PDLIM5: variants seen among roughly 807,000 people sequenced by gnomAD.
The protein encoded by PDLIM5 is PDZ and LIM domain 5.
In PDLIM5, 34 loss-of-function variants were observed where a neutral mutation model predicts 64.2. The ratio of observed to expected loss-of-function variants is 0.53; its 90% CI spans 0.40 to 0.71. The LOEUF (loss-of-function observed/expected upper bound fraction) is 0.71, where lower values mean the gene tolerates loss of function less well. PDLIM5 is among the 30% of genes least tolerant of loss of function. PDLIM5 has a pLI of 0.00. For synonymous variants in PDLIM5, 253 were observed against 269.1 expected (o/e 0.94, Z 0.59); for missense variants, 683 against 733.6 (o/e 0.93, Z 0.80).
chr4:94,583,745 G>T (rs1735932927), intron 5 of PDLIM5, among the ~76,000 whole-genome samples: 1 of 152,010 alleles, frequency 6.6e-6, no homozygotes, highest in Non-Finnish European at 1.5e-5. Context: ...TTACTGATTT[G>T]TTATTTTGTA....
chr4:94,653,838 G>A (rs1264735592), intron 9 of PDLIM5, among the ~76,000 whole-genome samples: 1 of 151,986 alleles, frequency 6.6e-6, no homozygotes, highest in African/African-American at 2.4e-5. Flanking sequence ...AAACCTTTCT[G>A]AGTAGTTTCA....
intron 3 of PDLIM5, among the ~76,000 whole-genome samples, chr4:94,570,280 T>G (rs1734696533): frequency 6.6e-6 from 1 of 152,192 alleles, no homozygotes; most frequent in Non-Finnish European, 1.5e-5. Context: ...TTTGTCTTTT[T>G]TCCTTCTTTC....
intron 2 of PDLIM5, among the ~76,000 whole-genome samples, chr4:94,480,679 T>C (rs1725770663): frequency 6.6e-6 from 1 of 152,170 alleles, no homozygotes; most frequent in Admixed American, 6.5e-5. Flanking sequence ...CCCCTCCTTC[T>C]ACCCTTCAGA....
chr4:94,549,417 C>T (rs928104684), intron 3 of PDLIM5, among the ~76,000 whole-genome samples: 2 of 152,092 alleles, frequency 1.3e-5, no homozygotes, highest in Non-Finnish European at 2.9e-5. Flanking sequence ...TACCCTCTGA[C>T]CTATCAATTC....
intron 7 of PDLIM5, chr4:94,611,284 C>A: frequency 2.5e-6 from 3 of 1,177,954 alleles, no homozygotes; most frequent in Non-Finnish European, 3.6e-6. Flanking sequence ...TATTAACAGG[C>A]CAGGTGAGAA....
In PDLIM5 at chr4:94,665,746, T is replaced by G; in HGVS notation, c.*1679T>G. ...GATTGGTTTGAGGATGTGATGAAATTGAGACTTTTTGTGGTTTTCTCTCAA... is the reference window on the plus strand; with the variant it reads ...GATTGGTTTGAGGATGTGATGAAATGGAGACTTTTTGTGGTTTTCTCTCAA... On this transcript the variant is annotated 3_prime_UTR_variant, in exon 13 of 13. Coordinates refer to ENST00000317968, the MANE Select transcript of PDLIM5 (RefSeq NM_006457.5). 8.1e-7 allele frequency: 1 copy of G among 1,228,572 alleles called. No individual in the cohort carries two copies. The highest frequency in any genetic ancestry group is 1.0e-6 in the Non-Finnish European group (1 of 984,526). 76.1% of individuals were successfully genotyped at this position (1,228,572 alleles called of 1,614,324 possible).
intron 9 of PDLIM5, among the ~76,000 whole-genome samples, chr4:94,652,245 A>G (rs1346949800): frequency 6.6e-6 from 1 of 152,212 alleles, no homozygotes; most frequent in Non-Finnish European, 1.5e-5. Flanking sequence ...TAGCCTCAAG[A>G]GTCCTCCAGC....
intron 3 of PDLIM5, among the ~76,000 whole-genome samples, chr4:94,554,487 C>CAT (rs763565297): frequency 2.6e-5 from 4 of 151,680 alleles, no homozygotes; most frequent in African/African-American, 4.8e-5. Flanking sequence ...TACGTTCATA[C>CAT]ATATATATAA....
chr4:94,468,467 T>G (rs72874800), intron 2 of PDLIM5, among the ~76,000 whole-genome samples: 1 of 152,178 alleles, frequency 6.6e-6, no homozygotes, highest in Non-Finnish European at 1.5e-5. Context: ...ATTTTTACAA[T>G]TTCTATGTCT....
chr4:94,571,931 G>A (rs938179408), intron 3 of PDLIM5, among the ~76,000 whole-genome samples: 2 of 152,188 alleles, frequency 1.3e-5, no homozygotes, highest in Non-Finnish European at 2.9e-5. Flanking sequence ...AGTGTAATCT[G>A]TATTGCAGTA....
Position 94,485,293 on chromosome 4 carries a change from C to T in PDLIM5, c.96+29909C>T, listed in dbSNP as rs7654062. Among the ~76,000 whole-genome samples the T allele has an allele frequency of 8.7e-3, 1,312 of 150,732 alleles. 28 individuals are homozygous for T. Among genetic ancestry groups the T allele is most frequent in the African/African-American group, 0.031 (1,241 of 40,052 alleles). On this transcript the variant is annotated intron_variant, in intron 2 of 12. Transcript: ENST00000317968. ...CCTGTTCACCAATCCCTTCTAGTTT[C>T]CAAGTTCATTTCTCTTAACACTTTC...
chr4:94,508,988 CCTTT>C (rs1190034501), intron 2 of PDLIM5, among the ~76,000 whole-genome samples: 1 of 152,130 alleles, frequency 6.6e-6, no homozygotes, highest in Non-Finnish European at 1.5e-5. Flanking sequence ...ATACTTCTTT[CCTTT>C]TTTTGTTTCT....
intron 2 of PDLIM5, chr4:94,455,971 T>A: frequency 6.7e-7 from 1 of 1,487,308 alleles, no homozygotes; most frequent in Non-Finnish European, 8.9e-7. Context: ...TTTGAATGTA[T>A]TCTGTGTATA....
intron 2 of PDLIM5, among the ~76,000 whole-genome samples, chr4:94,496,731 A>T (rs971376090): frequency 2.0e-5 from 3 of 152,138 alleles, no homozygotes; most frequent in African/African-American, 7.2e-5. Context: ...CTTGCGTTCC[A>T]GTCTGCTGGC....
intron 7 of PDLIM5, among the ~76,000 whole-genome samples, chr4:94,604,208 A>G (rs1448742647): frequency 2.6e-5 from 4 of 152,326 alleles, no homozygotes; most frequent in African/African-American, 9.6e-5. Context: ...AGGAAAAGAG[A>G]AGCAGTAGTC....
intron 3 of PDLIM5, among the ~76,000 whole-genome samples, chr4:94,554,871 A>G (rs551366082): frequency 1.4e-4 from 22 of 152,322 alleles, no homozygotes; most frequent in Non-Finnish European, 2.9e-4. Flanking sequence ...TGACTTTACA[A>G]TGGTGTGATA....
intron 3 of PDLIM5, among the ~76,000 whole-genome samples, chr4:94,567,196 T>C (rs1169020412): frequency 6.6e-6 from 1 of 152,156 alleles, no homozygotes; most frequent in Non-Finnish European, 1.5e-5. Flanking sequence ...GGTTTCACCG[T>C]GTTAGCCAGG....
intron 8 of PDLIM5, among the ~76,000 whole-genome samples, chr4:94,633,528 C>T (rs1037980392): frequency 2.6e-5 from 4 of 152,124 alleles, no homozygotes; most frequent in Admixed American, 6.5e-5. Flanking sequence ...CCAAACTCTC[C>T]TTACTCATTT....
chr4:94,584,510 G>A (rs1736000472), intron 5 of PDLIM5: 1 of 153,174 alleles, frequency 6.5e-6, no homozygotes. Context: ...TTAGAGCCAA[G>A]CTTTAAATTC....
Sources: allele counts gnomAD v4.1 joint callset (sites outside exome capture counted in the v4.1 genomes callset), GRCh38; gene constraint gnomAD v4.1.1; transcripts MANE v1.5; gene names NCBI Gene and HGNC (gene_info 2026-07-23, HGNC 2026-07-21).